Variants in PARD3 observed in about 807,000 individuals in gnomAD.
PARD3 encodes par-3 family cell polarity regulator, also known as partitioning defective 3 homolog.
A neutral mutation model predicts 155.4 loss-of-function variants in PARD3; 75 were observed. The ratio of observed to expected loss-of-function variants is 0.48; its 90% CI spans 0.40 to 0.58. The LOEUF is 0.58. Ranked by LOEUF, PARD3 falls within the 20% of genes least tolerant of loss-of-function variation. The pLI, the probability that PARD3 is intolerant of heterozygous loss-of-function variation, is 0.00. For synonymous variants in PARD3, 576 were observed against 610.5 expected (o/e 0.94, Z 0.83); for missense variants, 1,642 against 1,721.7 (o/e 0.95, Z 0.82).
At chr10:34,501,993 C>T (rs1010283808) in intron 3 of PARD3, among the ~76,000 whole-genome samples, 1 of 152,160 alleles carries the variant, frequency 6.6e-6, no homozygotes, top group Non-Finnish European at 1.5e-5. Flanking sequence ...AGCTTGTTTG[C>T]TCCTCCCACC....
At position 34,810,960 on chromosome 10, in the gene PARD3, T is replaced by C. The variant is rs1451800159; in HGVS notation, c.120+3916A>G. On this transcript the variant is annotated intron_variant, in intron 1 of 24. Coordinates refer to ENST00000374788, the MANE Select transcript of PARD3 (RefSeq NM_001184785.2). Reference sequence around the variant, plus strand: ...TCCCCTATACCCAAGGTTAAATGGCTTGTAAACCTAAGTCACCAAACCCAA... The same window carrying C: ...TCCCCTATACCCAAGGTTAAATGGCCTGTAAACCTAAGTCACCAAACCCAA... Among the ~76,000 whole-genome samples, 4 of 151,872 alleles carry C rather than the reference T, an allele frequency of 2.6e-5. No homozygotes were observed. In the East Asian group the frequency reaches 7.7e-4, roughly 29 times the overall value.
At chr10:34,602,732 G>C (rs1360422265) in intron 2 of PARD3, among the ~76,000 whole-genome samples, 2 of 152,194 alleles carry the variant, frequency 1.3e-5, no homozygotes, top group African/African-American at 4.8e-5. Context: ...TATTGACTGG[G>C]AAGGCCACAG....
At chr10:34,716,580 CTTTTCTTTTTT>C (rs1480585517) in intron 1 of PARD3, among the ~76,000 whole-genome samples, 1 of 109,440 alleles carries the variant, frequency 9.1e-6, no homozygotes. Flanking sequence ...CCCAGGATGG[CTTTTCTTTTTT>C]TTTTTTTTTT....
At chr10:34,371,522 A>C (rs1221955383) in intron 12 of PARD3, among the ~76,000 whole-genome samples, 1 of 72,046 alleles carries the variant, frequency 1.4e-5, no homozygotes, top group Non-Finnish European at 2.4e-5. Flanking sequence ...AAAAAAAAAA[A>C]AAAAAAAAAA....
At chr10:34,719,316 A>G (rs1345460478) in intron 1 of PARD3, among the ~76,000 whole-genome samples, 2 of 152,220 alleles carry the variant, frequency 1.3e-5, no homozygotes, top group African/African-American at 2.4e-5. Flanking sequence ...AGGGAAAAAA[A>G]GCATTTCAAA....
At chr10:34,142,665 A>G (rs1469750650) in intron 22 of PARD3, among the ~76,000 whole-genome samples, 2 of 152,076 alleles carry the variant, frequency 1.3e-5, no homozygotes, top group African/African-American at 4.8e-5. Context: ...GAAGGCAGGA[A>G]GGCAGGAAGG....
At chr10:34,368,996 G>A (rs532511388) in intron 12 of PARD3, among the ~76,000 whole-genome samples, 4 of 151,242 alleles carry the variant, frequency 2.6e-5, no homozygotes, top group African/African-American at 9.8e-5. Flanking sequence ...TGTATTACCT[G>A]AAACTATATA....
chr10:34,511,205 T>G (rs1022380933), intron 3 of PARD3, among the ~76,000 whole-genome samples: 9 of 152,222 alleles, frequency 5.9e-5, no homozygotes, highest in Admixed American at 1.3e-4. Context: ...GTATTTCCTG[T>G]AAATAGGCAC....
chr10:34,522,288 C>T (rs532664279), intron 2 of PARD3, among the ~76,000 whole-genome samples: 1 of 152,198 alleles, frequency 6.6e-6, no homozygotes, highest in East Asian at 1.9e-4. Flanking sequence ...GGAAAGTGAG[C>T]AGCATTTAGA....
At chr10:34,136,459 T>A (rs1036717653) in intron 22 of PARD3, among the ~76,000 whole-genome samples, 3 of 152,166 alleles carry the variant, frequency 2.0e-5, no homozygotes, top group Non-Finnish European at 4.4e-5. Context: ...GAGAGTAGTT[T>A]TAAGATCCAG....
chr10:34,439,050 T>C (rs2076330793), intron 5 of PARD3, among the ~76,000 whole-genome samples: 1 of 152,158 alleles, frequency 6.6e-6, no homozygotes, highest in Non-Finnish European at 1.5e-5. Context: ...GACAGGAGAT[T>C]ATGTGCATGA....
At position 34,525,703 on chromosome 10, in the gene PARD3, C is replaced by CAGTAGGG. The variant is rs545462054; in HGVS notation, c.223-8551_223-8545dup. Among the ~76,000 whole-genome samples the CAGTAGGG allele has an allele frequency of 4.0e-3, 601 of 151,908 alleles. 4 individuals are homozygous for CAGTAGGG. Among genetic ancestry groups the CAGTAGGG allele is most frequent in the African/African-American group, 0.013 (537 of 41,434 alleles). ...CTCTTTAAATTAACAACACAGTCTG[C>CAGTAGGG]AGTAGGGATTTTGCTTAAAAGAAAA... On this transcript the variant is annotated intron_variant, in intron 2 of 24. Transcript: ENST00000374788.
chr10:34,432,686 C>T (rs1043836790), intron 5 of PARD3, among the ~76,000 whole-genome samples: 53 of 152,108 alleles, frequency 3.5e-4, no homozygotes, highest in African/African-American at 1.3e-3. Flanking sequence ...CACTTCCCAT[C>T]TCAGGGAAAA....
intron 2 of PARD3, among the ~76,000 whole-genome samples, chr10:34,664,363 C>T (rs962274232): frequency 1.8e-4 from 27 of 152,024 alleles, no homozygotes; most frequent in African/African-American, 4.8e-4. Flanking sequence ...CCCCCAGGCC[C>T]GGCTCATTTT....
chr10:34,374,810 C>CAACT, intron 11 of PARD3, 64 bp downstream of exon 11: 1 of 1,506,892 alleles, frequency 6.6e-7, no homozygotes, highest in Non-Finnish European at 9.0e-7. Flanking sequence ...TGCCATCAGG[C>CAACT]AACTAACCCA....
intron 2 of PARD3, among the ~76,000 whole-genome samples, chr10:34,556,435 T>G (rs977021987): frequency 6.7e-6 from 1 of 150,220 alleles, no homozygotes; most frequent in Non-Finnish European, 1.5e-5. Flanking sequence ...CAGGCTAGAG[T>G]GCAGTGGCGA....
intron 22 of PARD3, among the ~76,000 whole-genome samples, chr10:34,260,128 C>G (rs1193053068): frequency 6.6e-6 from 1 of 152,198 alleles, no homozygotes; most frequent in Non-Finnish European, 1.5e-5. Flanking sequence ...GTGGGTACCA[C>G]CATGCCCAGT....
Position 34,780,315 on chromosome 10 carries a change from G to A in PARD3, c.120+34561C>T, listed in dbSNP as rs72783664. On this transcript the variant is annotated intron_variant, in intron 1 of 24. Transcript: ENST00000374788. ...GCTGTAAGTCCAAGTACTGGTTTAC[G>A]GCAGATGTCTTGGAGATCTATCTCA... Among the ~76,000 whole-genome samples the A allele has an allele frequency of 5.2e-3, 798 of 152,272 alleles. 2 individuals carry two copies. Among genetic ancestry groups the A allele is most frequent in the Admixed American group, 7.7e-3 (118 of 15,296 alleles).
chr10:34,574,454 T>C (rs918283688), intron 2 of PARD3, among the ~76,000 whole-genome samples: 1 of 152,214 alleles, frequency 6.6e-6, no homozygotes, highest in African/African-American at 2.4e-5. Context: ...TCAGTGCTCC[T>C]GCTACCAAGA....
Sources: allele counts gnomAD v4.1 joint callset (sites outside exome capture counted in the v4.1 genomes callset), GRCh38; gene constraint gnomAD v4.1.1; transcripts MANE v1.5; gene names NCBI Gene and HGNC (gene_info 2026-07-23, HGNC 2026-07-21).